UBE3A: variants seen among roughly 807,000 people sequenced by gnomAD.
UBE3A encodes ubiquitin protein ligase E3A.
A neutral mutation model predicts 83.4 loss-of-function variants in UBE3A; 6 were observed. That is an observed-to-expected ratio of 0.07 (90% CI 0.04 to 0.14). UBE3A has a LOEUF of 0.14. Ranked by LOEUF, UBE3A falls within the 10% of genes least tolerant of loss-of-function variation. The pLI is 1.00. For missense variants in UBE3A, 456 were observed against 1,036.1 expected, an observed-to-expected ratio of 0.44 and a Z score of 7.69; for synonymous variants, 337 against 355.4, an observed-to-expected ratio of 0.95 and a Z score of 0.58.
chr15:25,437,105 T>C (rs975642888), intron 1 of UBE3A, among the ~76,000 whole-genome samples: 1 of 152,216 alleles, frequency 6.6e-6, no homozygotes, highest in Admixed American at 6.5e-5. Context: ...ACTGTATTAG[T>C]GTTTCTTAAA....
At chr15:25,417,737 G>T (rs897742635) in intron 1 of UBE3A, among the ~76,000 whole-genome samples, 1 of 151,842 alleles carries the variant, frequency 6.6e-6, no homozygotes, top group African/African-American at 2.4e-5. Flanking sequence ...GAAAAATAAT[G>T]AATATGATGT....
intron 4 of UBE3A, among the ~76,000 whole-genome samples, chr15:25,387,377 C>A (rs1001620554): frequency 2.0e-5 from 3 of 152,066 alleles, no homozygotes; most frequent in African/African-American, 4.8e-5. Flanking sequence ...AAAAAATTAG[C>A]CACACGTGGT....
At chr15:25,414,699 ATTGT>A (rs1277165906) in intron 1 of UBE3A, among the ~76,000 whole-genome samples, 3 of 152,162 alleles carry the variant, frequency 2.0e-5, no homozygotes, top group African/African-American at 7.2e-5. Flanking sequence ...AGTATATCAA[ATTGT>A]TTACCAATTG....
chr15:25,363,832 TTTG>T (rs1247124365), intron 6 of UBE3A, among the ~76,000 whole-genome samples: 1 of 152,040 alleles, frequency 6.6e-6, no homozygotes, highest in African/African-American at 2.4e-5. Flanking sequence ...AGGCAAAAAT[TTTG>T]TTATTACCTA....
In UBE3A at chr15:25,337,390, G is replaced by A. The variant is rs926379160; in HGVS notation, c.*1747C>T. On this transcript the variant is annotated 3_prime_UTR_variant, in exon 13 of 13. Coordinates refer to ENST00000648336, the MANE Select transcript of UBE3A (RefSeq NM_130839.5). ...GGTCCCTTTCATCAAGGTAGCGTAT[G>A]TACCCTAACAGTGTTCTAAAGGCTG... The A allele has an allele frequency of 6.6e-6, 1 of 152,050 alleles. No homozygotes were observed. The highest frequency in any genetic ancestry group is 1.5e-5 in the Non-Finnish European group (1 of 68,018). 9.4% of individuals were successfully genotyped at this position (152,050 alleles called of 1,614,324 possible).
chr15:25,398,862 C>T lies in UBE3A; in HGVS notation c.62+6599G>A, dbSNP rs949185543. On this transcript the variant is annotated intron_variant, in intron 4 of 12. Coordinates refer to ENST00000648336, the MANE Select transcript of UBE3A (RefSeq NM_130839.5). ...GTGACTGCTGAATCATATGGTAGTTCTATTTTTTAATTTCTGAGCAAACGT... is the reference window on the plus strand; with the variant it reads ...GTGACTGCTGAATCATATGGTAGTTTTATTTTTTAATTTCTGAGCAAACGT... Among the ~76,000 whole-genome samples the T allele has an allele frequency of 2.9e-5, 4 of 136,132 alleles. No individual in the cohort carries two copies. In the Admixed American group the frequency reaches 3.2e-4, roughly 11 times the overall value. 89.3% of individuals were successfully genotyped at this position (136,132 alleles called of 152,430 possible).
chr15:25,411,463 G>A (rs1307506508), intron 2 of UBE3A, among the ~76,000 whole-genome samples: 6 of 152,128 alleles, frequency 3.9e-5, no homozygotes, highest in African/African-American at 9.7e-5. Context: ...GGTGGCACAC[G>A]CCTGTAATCC....
At chr15:25,388,631 C>T (rs1054058966) in intron 4 of UBE3A, among the ~76,000 whole-genome samples, 3 of 151,934 alleles carry the variant, frequency 2.0e-5, no homozygotes, top group Admixed American at 6.6e-5. Context: ...AAAGGGTATA[C>T]TAACGGGGAA....
chr15:25,398,939 T>C, intron 4 of UBE3A, among the ~76,000 whole-genome samples: 1 of 150,730 alleles, frequency 6.6e-6, no homozygotes, highest in East Asian at 1.9e-4. Flanking sequence ...CCATGCGCAA[T>C]ATATCTCTTG....
intron 3 of UBE3A, chr15:25,408,691 G>C (rs756024206): frequency 2.5e-6 from 4 of 1,599,778 alleles, no homozygotes; most frequent in Non-Finnish European, 3.4e-6. Context: ...CTCTCTAGGA[G>C]AGAAAAGTAT....
Position 25,370,422 on chromosome 15 carries a change from G to C in UBE3A, c.1608+144C>G. On this transcript the variant is annotated intron_variant, in intron 6 of 12. Transcript: ENST00000648336. This position sits in a 1 kb window ranked among gnomAD's most constrained non-coding sequence, Gnocchi z 4.2. ...ATAAACTTGCACAGGAACAACAAAA[G>C]TATAATACTTATATAAGATCAGAAA... 1.0e-6 allele frequency: 1 copy of C among 990,570 alleles called. No individual in the cohort carries two copies. The highest frequency in any genetic ancestry group is 1.6e-6 in the Non-Finnish European group (1 of 639,296). The allele number at this position is 990,570 out of a possible 1,614,324, so 61.4% of individuals were successfully genotyped here.
At position 25,371,051 on chromosome 15, in the gene UBE3A, C is replaced by G. The variant is rs1463037889; in HGVS notation, c.1123G>C (p.Val375Leu). Residue 375 changes from valine (V) to leucine (L), a missense_variant, in exon 6 of 13, where the codon GTT becomes CTT. Val to Leu is a conservative substitution (Grantham distance 32). This residue lies in a region of UBE3A where 85 missense variants were observed against 137.0 expected (regional missense o/e 0.62). Transcript: ENST00000648336. This position sits in a 1 kb window ranked among gnomAD's most constrained non-coding sequence, Gnocchi z 5.3. ...IVAASKCLKMVYYANVVGGEV... is the reference protein window; with the variant it reads ...IVAASKCLKMLYYANVVGGEV... ...CCTCCCACTACATTTGCATAGTAAA[C>G]CATTTTCAAGCACTTCGAAGCAGCA... The G allele has an allele frequency of 6.2e-7, 1 of 1,613,852 alleles. No homozygotes were observed. The highest frequency in any genetic ancestry group is 8.5e-7 in the Non-Finnish European group (1 of 1,179,918).
At chr15:25,422,709 T>A (rs1890181560) in intron 1 of UBE3A, among the ~76,000 whole-genome samples, 1 of 151,248 alleles carries the variant, frequency 6.6e-6, no homozygotes, top group Non-Finnish European at 1.5e-5. Flanking sequence ...GTATAGTAGC[T>A]CATGCCTGTA....
chr15:25,362,970 G>A (rs919418751), intron 6 of UBE3A, among the ~76,000 whole-genome samples: 1 of 152,170 alleles, frequency 6.6e-6, no homozygotes, highest in Non-Finnish European at 1.5e-5. Flanking sequence ...TCATAGATGA[G>A]AGCTGACTCC....
chr15:25,409,403 G>A, intron 2 of UBE3A, 196 bp from the exon 3 acceptor site: 1 of 310,196 alleles, frequency 3.2e-6, no homozygotes, highest in Non-Finnish European at 6.0e-6. Flanking sequence ...TTGAGAAAAT[G>A]TAATAATTCC....
chr15:25,414,778 T>C (rs142537023), intron 1 of UBE3A, among the ~76,000 whole-genome samples: 161 of 152,326 alleles, frequency 1.1e-3, no homozygotes, highest in African/African-American at 3.8e-3. Context: ...CCAGTCTTTT[T>C]TGATTGCTTT....
rs2074213295 is a variant in UBE3A at position 25,338,676 on chromosome 15, T to C, written c.*461A>G. ...TGAGTTAGATACAGGGACAAAAAAG[T>C]AGCACATACTTGAAGGTTACGTGGT... On this transcript the variant is annotated 3_prime_UTR_variant, in exon 13 of 13. Coordinates refer to ENST00000648336, the MANE Select transcript of UBE3A (RefSeq NM_130839.5). The C allele has an allele frequency of 6.6e-6, 1 of 152,086 alleles. No homozygotes were observed. The highest frequency in any genetic ancestry group is 1.9e-4 in the East Asian group (1 of 5,186). The allele number at this position is 152,086 out of a possible 1,614,324, so 9.4% of individuals were successfully genotyped here.
At chr15:25,345,039 A>G (rs2075445099) in intron 11 of UBE3A, among the ~76,000 whole-genome samples, 1 of 152,174 alleles carries the variant, frequency 6.6e-6, no homozygotes, top group Non-Finnish European at 1.5e-5. Context: ...ACCCAGAGAC[A>G]TTATCTACAA....
intron 11 of UBE3A, among the ~76,000 whole-genome samples, chr15:25,340,437 T>C (rs1240085820): frequency 1.3e-5 from 2 of 152,158 alleles, no homozygotes; most frequent in African/African-American, 4.8e-5. Context: ...GATTACAATA[T>C]AGTAAAATAT....
Sources: allele counts gnomAD v4.1 joint callset (sites outside exome capture counted in the v4.1 genomes callset), GRCh38; gene constraint gnomAD v4.1.1; regional missense constraint gnomAD v4.1.1; non-coding constraint Gnocchi (gnomAD v3.1); transcripts MANE v1.5; gene names NCBI Gene and HGNC (gene_info 2026-07-23, HGNC 2026-07-21).